The following NKAIN3 variants were observed in gnomAD, a reference collection of about 807,000 sequenced individuals.
NKAIN3 encodes sodium/potassium-transporting ATPase subunit beta-1-interacting protein 3.
NKAIN3 carries 25 observed loss-of-function variants against 30.2 expected under a neutral mutation model. The observed-to-expected ratio is 0.83, with a 90% CI of 0.60 to 1.16. The LOEUF (loss-of-function observed/expected upper bound fraction) is 1.16, where lower values mean the gene tolerates loss of function less well. Among genes scored for constraint, NKAIN3 ranks in the 50% most tolerant of loss-of-function variants. The probability of loss-of-function intolerance (pLI) is 0.00; values close to 1 mark genes in which losing one functional copy is unlikely to be tolerated. For synonymous variants in NKAIN3, 91 were observed against 89.6 expected, an observed-to-expected ratio of 1.02 and a Z score of -0.09; for missense variants, 225 against 254.1, an observed-to-expected ratio of 0.89 and a Z score of 0.78.
At chr8:62,651,570 G>A (rs955676586) in intron 3 of NKAIN3, among the ~76,000 whole-genome samples, 1 of 152,186 alleles carries the variant, frequency 6.6e-6, no homozygotes, top group African/African-American at 2.4e-5. Flanking sequence ...AAAGGCAACA[G>A]CACATTTGGT....
At chr8:62,710,182 G>A (rs2130491313) in intron 3 of NKAIN3, among the ~76,000 whole-genome samples, 1 of 152,100 alleles carries the variant, frequency 6.6e-6, no homozygotes, top group East Asian at 1.9e-4. Context: ...GCTGTTGAAT[G>A]GAATGTGTAT....
intron 4 of NKAIN3, chr8:62,863,246 T>A (rs1563599477): frequency 2.5e-6 from 4 of 1,569,620 alleles, no homozygotes; most frequent in Admixed American, 1.8e-5. Flanking sequence ...TTCAGTTTTT[T>A]CTTTTTGTTT....
chr8:62,466,479 C>G (rs2129599786), intron 1 of NKAIN3, among the ~76,000 whole-genome samples: 1 of 152,254 alleles, frequency 6.6e-6, no homozygotes, highest in South Asian at 2.1e-4. Flanking sequence ...GCAAATGAGC[C>G]ATATGCATCT....
intron 1 of NKAIN3, among the ~76,000 whole-genome samples, chr8:62,476,603 C>T (rs927869331): frequency 1.3e-5 from 2 of 151,900 alleles, no homozygotes; most frequent in African/African-American, 4.8e-5. Context: ...ACTACAGGCA[C>T]GTGCCACCAT....
rs148095783 is a variant in NKAIN3, at chr8:62,960,144, C to T, written c.604-5210C>T. On this transcript the variant is annotated intron_variant, in intron 6 of 6. Coordinates refer to ENST00000623646, the MANE Select transcript of NKAIN3 (RefSeq NM_001304533.3). ...AGCTTACGCAGTTCAGACTTATCAC[C>T]GTAGTATCCAGTTAGTGCACCTCTG... Among the ~76,000 whole-genome samples the T allele has an allele frequency of 1.4e-4, 22 of 152,264 alleles. No homozygotes were observed. The East Asian group carries it at 1.9e-3, about 13-fold the overall frequency.
At chr8:62,545,016 C>T (rs897603747) in intron 1 of NKAIN3, among the ~76,000 whole-genome samples, 6 of 152,138 alleles carry the variant, frequency 3.9e-5, no homozygotes, top group Admixed American at 3.3e-4. Context: ...TCTTCAGCCT[C>T]ATAGGCTGAG....
At chr8:62,435,479 T>A (rs1333938182) in intron 1 of NKAIN3, among the ~76,000 whole-genome samples, 1 of 152,192 alleles carries the variant, frequency 6.6e-6, no homozygotes, top group African/African-American at 2.4e-5. Flanking sequence ...CTTAAGTAGA[T>A]ATACGAAGCC....
intron 1 of NKAIN3, among the ~76,000 whole-genome samples, chr8:62,467,280 T>A (rs1264765830): frequency 1.3e-5 from 2 of 152,174 alleles, no homozygotes; most frequent in Admixed American, 6.6e-5. Context: ...AAAAACTGCA[T>A]CACCACAAAG....
At chr8:62,657,673 T>G (rs1812802083) in intron 3 of NKAIN3, among the ~76,000 whole-genome samples, 1 of 152,196 alleles carries the variant, frequency 6.6e-6, no homozygotes, top group South Asian at 2.1e-4. Context: ...TGCAGTGAGC[T>G]CTGAGTAAAC....
At chr8:62,593,087 A>G (rs1190001611) in intron 3 of NKAIN3, among the ~76,000 whole-genome samples, 1 of 152,018 alleles carries the variant, frequency 6.6e-6, no homozygotes, top group African/African-American at 2.4e-5. Flanking sequence ...ACACAAAGTC[A>G]AACAATGTGT....
intron 3 of NKAIN3, among the ~76,000 whole-genome samples, chr8:62,661,778 G>T (rs1812953089): frequency 6.6e-6 from 1 of 152,174 alleles, no homozygotes; most frequent in Non-Finnish European, 1.5e-5. Flanking sequence ...CTGAAACCTG[G>T]TGGATTCAGC....
At chr8:62,313,892 C>A (rs1007103710) in intron 1 of NKAIN3, among the ~76,000 whole-genome samples, 1 of 152,102 alleles carries the variant, frequency 6.6e-6, no homozygotes, top group Non-Finnish European at 1.5e-5. Context: ...TGTAAACCTA[C>A]TATGTTCAAA....
chr8:62,437,168 CAG>C, intron 1 of NKAIN3, among the ~76,000 whole-genome samples: 1 of 151,812 alleles, frequency 6.6e-6, no homozygotes, highest in Middle Eastern at 3.4e-3. Context: ...TTTTTTGACA[CAG>C]AGAGGCTAAA....
chr8:62,964,562 G>T (rs1281307033), intron 6 of NKAIN3, among the ~76,000 whole-genome samples: 9 of 151,796 alleles, frequency 5.9e-5, no homozygotes, highest in African/African-American at 2.2e-4. Context: ...GTGTGTGTGT[G>T]TGTGTGTGTG....
intron 4 of NKAIN3, among the ~76,000 whole-genome samples, chr8:62,790,406 C>T (rs1035212681): frequency 5.9e-5 from 9 of 152,114 alleles, no homozygotes; most frequent in Non-Finnish European, 8.8e-5. Flanking sequence ...TGGCACAAGA[C>T]AGGGATGCCC....
At chr8:62,729,039 A>AAAACAAAC (rs200466973) in intron 3 of NKAIN3, among the ~76,000 whole-genome samples, 4 of 96,926 alleles carry the variant, frequency 4.1e-5, no homozygotes, top group African/African-American at 1.6e-4. Flanking sequence ...AAAAAAAAAA[A>AAAACAAAC]CAAAAAAAAA....
intron 4 of NKAIN3, among the ~76,000 whole-genome samples, chr8:62,878,894 C>T (rs1054403223): frequency 6.6e-5 from 10 of 152,080 alleles, no homozygotes; most frequent in African/African-American, 2.4e-4. Flanking sequence ...GCTACATTTT[C>T]TTAATCCAGT....
At chr8:62,473,061 T>C (rs533174676) in intron 1 of NKAIN3, among the ~76,000 whole-genome samples, 27 of 152,360 alleles carry the variant, frequency 1.8e-4, no homozygotes, top group Middle Eastern at 3.4e-3. Context: ...AGGCATTCTC[T>C]ATCTACTGCT....
chr8:62,449,767 G>T (rs1013848321), intron 1 of NKAIN3, among the ~76,000 whole-genome samples: 4 of 152,062 alleles, frequency 2.6e-5, no homozygotes, highest in South Asian at 2.1e-4. Context: ...TCATTGAGTC[G>T]TCAGAAAACA....
Sources: allele counts gnomAD v4.1 joint callset (sites outside exome capture counted in the v4.1 genomes callset), GRCh38; gene constraint gnomAD v4.1.1; transcripts MANE v1.5; gene names NCBI Gene and HGNC (gene_info 2026-07-23, HGNC 2026-07-21).